Variants in KIFAP3 observed in about 807,000 individuals in gnomAD.
KIFAP3 encodes kinesin-associated protein 3.
Under a neutral mutation model 106.5 loss-of-function variants are expected in KIFAP3, and 68 were observed. The ratio of observed to expected loss-of-function variants is 0.64; its 90% CI spans 0.53 to 0.78. The LOEUF (loss-of-function observed/expected upper bound fraction) is 0.78, where lower values mean the gene tolerates loss of function less well. KIFAP3 is among the 30% of genes least tolerant of loss of function. KIFAP3 has a pLI of 0.00. For missense variants in KIFAP3, 780 were observed against 941.8 expected (o/e 0.83, Z 2.25); for synonymous variants, 320 against 311.5 (o/e 1.03, Z -0.29).
intron 19 of KIFAP3, among the ~76,000 whole-genome samples, chr1:169,945,674 T>C (rs1664403850): frequency 6.6e-6 from 1 of 152,220 alleles, no homozygotes; most frequent in Non-Finnish European, 1.5e-5. Context: ...TTGAAGAGGG[T>C]AGTTCTGTCA....
chr1:169,956,814 C>T (rs1665040890), intron 18 of KIFAP3, among the ~76,000 whole-genome samples: 1 of 152,008 alleles, frequency 6.6e-6, no homozygotes, highest in East Asian at 1.9e-4. Context: ...CCAGGCTGGT[C>T]TTGAACTTCT....
intron 10 of KIFAP3, among the ~76,000 whole-genome samples, chr1:170,006,264 C>G (rs1667955414): frequency 6.6e-6 from 1 of 152,152 alleles, no homozygotes; most frequent in Non-Finnish European, 1.5e-5. Context: ...ATGCATTCAT[C>G]CCTCTAACCA....
upstream of KIFAP3, among the ~76,000 whole-genome samples, chr1:170,076,395 T>TA (rs1671914385): frequency 6.6e-6 from 1 of 152,162 alleles, no homozygotes; most frequent in Non-Finnish European, 1.5e-5. Context: ...AGTAAGGACA[T>TA]AGTCAGAGAC....
intron 2 of KIFAP3, among the ~76,000 whole-genome samples, chr1:170,053,709 C>T (rs1670694959): frequency 6.6e-6 from 1 of 151,958 alleles, no homozygotes; most frequent in Admixed American, 6.5e-5. Context: ...ACCAACTAAC[C>T]TTCGACAAAT....
At chr1:169,992,116 T>C (rs778694417) in intron 11 of KIFAP3, 39 bp downstream of exon 11, 9 of 974,794 alleles carry the variant, frequency 9.2e-6, no homozygotes, top group South Asian at 2.4e-5. Flanking sequence ...AATATATATA[T>C]TTGTTAAATG....
At chr1:170,068,869 C>T (rs1671570863) in intron 1 of KIFAP3, 2 of 151,432 alleles carry the variant, frequency 1.3e-5, no homozygotes, top group African/African-American at 2.4e-5. Context: ...AAACCCCAAG[C>T]TAGCAGAAGG....
intron 10 of KIFAP3, among the ~76,000 whole-genome samples, chr1:170,014,933 G>C (rs1447427185): frequency 6.6e-6 from 1 of 152,124 alleles, no homozygotes; most frequent in African/African-American, 2.4e-5. Context: ...TCATTTAAGA[G>C]ATGAGGAAAC....
At position 170,037,219 on chromosome 1, in the gene KIFAP3, A is replaced by G. The variant is rs190957597; in HGVS notation, c.517+1071T>C. 3.0e-3 allele frequency among the ~76,000 whole-genome samples: 453 copies of G among 152,322 alleles called. 4 individuals are homozygous for G. Among genetic ancestry groups the G allele is most frequent in the Non-Finnish European group, 1.5e-3 (104 of 68,022 alleles). On this transcript the variant is annotated intron_variant, in intron 5 of 19. Transcript: ENST00000361580. ...CAGAATAAGTTTTCAAGAATTATCT[A>G]CTTCATAAAAGAATGGCAAGCATAT...
At chr1:170,078,264 G>A (rs1439746707), upstream of KIFAP3, among the ~76,000 whole-genome samples, 1 of 151,796 alleles carries the variant, frequency 6.6e-6, no homozygotes, top group African/African-American at 2.4e-5. Flanking sequence ...TAAGTGTGCA[G>A]GGCTATCTCA....
intron 1 of KIFAP3, among the ~76,000 whole-genome samples, chr1:170,070,760 C>T (rs1327616909): frequency 6.6e-6 from 1 of 152,132 alleles, no homozygotes; most frequent in Non-Finnish European, 1.5e-5. Flanking sequence ...TTGGATTTAG[C>T]AGTGGTTTCT....
intron 8 of KIFAP3, among the ~76,000 whole-genome samples, chr1:170,027,211 G>A (rs12116880): frequency 6.6e-6 from 1 of 151,614 alleles, no homozygotes; most frequent in Non-Finnish European, 1.5e-5. Context: ...GTAGAGATGG[G>A]GTTTCACCAT....
intron 14 of KIFAP3, among the ~76,000 whole-genome samples, 165 bp downstream of exon 14, chr1:169,982,537 A>C (rs1666578996): frequency 6.6e-6 from 1 of 152,174 alleles, no homozygotes; most frequent in African/African-American, 2.4e-5. Flanking sequence ...GAGAACATAT[A>C]TGTAAGAGGT....
chr1:170,055,906 A>C (rs2102123873), intron 1 of KIFAP3, among the ~76,000 whole-genome samples: 1 of 152,254 alleles, frequency 6.6e-6, no homozygotes, highest in East Asian at 1.9e-4. Flanking sequence ...CCAACATGGG[A>C]GAAACACTTT....
intron 18 of KIFAP3, among the ~76,000 whole-genome samples, chr1:169,959,711 A>T (rs1373676104): frequency 6.6e-6 from 1 of 152,134 alleles, no homozygotes; most frequent in African/African-American, 2.4e-5. Context: ...TTGATTCATT[A>T]TGAAAGTTAG....
At chr1:170,045,428 G>A (rs1256718633) in intron 3 of KIFAP3, among the ~76,000 whole-genome samples, 1 of 152,072 alleles carries the variant, frequency 6.6e-6, no homozygotes, top group Non-Finnish European at 1.5e-5. Flanking sequence ...GATTCCTTAT[G>A]GAAAAGTTTC....
chr1:170,002,646 C>T (rs1667719969), intron 10 of KIFAP3, among the ~76,000 whole-genome samples: 1 of 152,140 alleles, frequency 6.6e-6, no homozygotes, highest in Non-Finnish European at 1.5e-5. Context: ...CTTTCAGTGC[C>T]ATACGTTTAT....
chr1:170,048,302 T>G (rs1288384362), intron 2 of KIFAP3, among the ~76,000 whole-genome samples: 1 of 146,694 alleles, frequency 6.8e-6, no homozygotes. Flanking sequence ...TTATTTGGGT[T>G]TTTTTTTTTT....
chr1:170,067,125 A>G (rs985598943), intron 1 of KIFAP3, among the ~76,000 whole-genome samples: 2 of 152,212 alleles, frequency 1.3e-5, no homozygotes, highest in Non-Finnish European at 2.9e-5. Context: ...GGCATAAAAT[A>G]TAAGTCAGAA....
chr1:169,931,580 A>G (rs1437728673), intron 19 of KIFAP3, among the ~76,000 whole-genome samples: 3 of 152,222 alleles, frequency 2.0e-5, no homozygotes, highest in East Asian at 3.8e-4. Flanking sequence ...CTATCAAGCA[A>G]TGCTTCATTT....
Sources: gnomAD v4.1 joint callset for allele counts (sites outside exome capture counted in the v4.1 genomes callset) on GRCh38, gnomAD v4.1.1 for gene constraint, MANE v1.5 for transcripts, NCBI Gene and HGNC (gene_info 2026-07-23, HGNC 2026-07-21) for gene names.